Variants in CNTN5 observed in about 807,000 individuals in gnomAD.
The protein encoded by CNTN5 is contactin-5.
In CNTN5, 77 loss-of-function variants were observed where a neutral mutation model predicts 129.1. The observed-to-expected ratio is 0.60, with a 90% confidence interval of 0.50 to 0.72. The LOEUF (loss-of-function observed/expected upper bound fraction) is 0.72. Ranked by LOEUF, CNTN5 falls within the 30% of genes least tolerant of loss-of-function variation. The pLI, the probability that CNTN5 is intolerant of heterozygous loss-of-function variation, is 0.00. For synonymous variants in CNTN5, 509 were observed against 465.6 expected (o/e 1.09, Z -1.20); for missense variants, 1,478 against 1,328.8 (o/e 1.11, Z -1.75).
intron 3 of CNTN5, among the ~76,000 whole-genome samples, chr11:99,639,844 G>A (rs1042746871): frequency 1.5e-4 from 23 of 152,162 alleles, no homozygotes; most frequent in African/African-American, 5.1e-4. Context: ...GATTACCGGT[G>A]TGAGCCACCA....
At chr11:99,898,824 A>G (rs1949277505) in intron 6 of CNTN5, among the ~76,000 whole-genome samples, 1 of 152,094 alleles carries the variant, frequency 6.6e-6, no homozygotes, top group African/African-American at 2.4e-5. Context: ...TGTTAAATTT[A>G]TATCTCTTTT....
chr11:99,999,487 C>A (rs2137459758), intron 8 of CNTN5, among the ~76,000 whole-genome samples: 1 of 152,256 alleles, frequency 6.6e-6, no homozygotes, highest in Non-Finnish European at 1.5e-5. Flanking sequence ...GAATGGCGAT[C>A]ATTAAAAAGT....
intron 13 of CNTN5, among the ~76,000 whole-genome samples, chr11:100,089,834 G>A (rs977827364): frequency 6.6e-6 from 1 of 152,076 alleles, no homozygotes; most frequent in African/African-American, 2.4e-5. Flanking sequence ...TTATAAGTGG[G>A]AGCTGAACAT....
chr11:99,300,564 G>C (rs763301548), intron 1 of CNTN5, among the ~76,000 whole-genome samples: 1 of 151,924 alleles, frequency 6.6e-6, no homozygotes, highest in Admixed American at 6.6e-5. Context: ...CAGGATATTT[G>C]CCTGTAGTTT....
intron 2 of CNTN5, among the ~76,000 whole-genome samples, chr11:99,444,540 A>G (rs1313742091): frequency 6.6e-6 from 1 of 152,202 alleles, no homozygotes; most frequent in African/African-American, 2.4e-5. Context: ...ATGATTATCT[A>G]TCCTTTATTC....
intron 2 of CNTN5, among the ~76,000 whole-genome samples, chr11:99,363,683 G>T (rs1231025279): frequency 6.6e-6 from 1 of 151,934 alleles, no homozygotes; most frequent in Non-Finnish European, 1.5e-5. Flanking sequence ...CATATTTCAC[G>T]GGTCAAACAA....
intron 3 of CNTN5, among the ~76,000 whole-genome samples, chr11:99,577,653 A>C (rs995083090): frequency 1.3e-5 from 2 of 152,070 alleles, no homozygotes; most frequent in African/African-American, 2.4e-5. Context: ...TAAAATAAAA[A>C]ATACAGTGTT....
At chr11:100,260,419 G>C (rs1205708294) in intron 17 of CNTN5, among the ~76,000 whole-genome samples, 1 of 152,192 alleles carries the variant, frequency 6.6e-6, no homozygotes, top group African/African-American at 2.4e-5. Flanking sequence ...ATTAGAGAAA[G>C]AGGGACTCCT....
At chr11:99,835,302 A>G (rs1414977396) in intron 4 of CNTN5, among the ~76,000 whole-genome samples, 1 of 152,188 alleles carries the variant, frequency 6.6e-6, no homozygotes, top group Non-Finnish European at 1.5e-5. Flanking sequence ...GAAAAAAGGA[A>G]TGAATGACTT....
chr11:99,189,789 A>G (rs1858539458), intron 1 of CNTN5, among the ~76,000 whole-genome samples: 1 of 151,698 alleles, frequency 6.6e-6, no homozygotes, highest in Non-Finnish European at 1.5e-5. Flanking sequence ...TGAGTTTTTA[A>G]TATATTTTAG....
intron 6 of CNTN5, among the ~76,000 whole-genome samples, chr11:99,872,528 A>G (rs1302516845): frequency 6.6e-6 from 1 of 152,142 alleles, no homozygotes; most frequent in Non-Finnish European, 1.5e-5. Flanking sequence ...AAGAATTACA[A>G]TTGAAGATAC....
intron 13 of CNTN5, among the ~76,000 whole-genome samples, chr11:100,120,622 C>G (rs1190616132): frequency 6.6e-6 from 1 of 151,786 alleles, no homozygotes; most frequent in Non-Finnish European, 1.5e-5. Flanking sequence ...ATTTTAGAAA[C>G]AGTTGAAACA....
chr11:99,744,610 C>T (rs1943992257), intron 3 of CNTN5, among the ~76,000 whole-genome samples: 1 of 135,732 alleles, frequency 7.4e-6, no homozygotes. Flanking sequence ...GTTCCAGCTA[C>T]TCAGGGGACT....
At position 99,556,153 on chromosome 11, in the gene CNTN5, T is replaced by C; in HGVS notation, c.-62T>C. On this transcript the variant is annotated 5_prime_UTR_variant, in exon 3 of 25. Transcript: ENST00000524871. ...TTATCTATCTCAAACAGGGCACTCT[T>C]TAATGAAGAAACACCAGAGCTGTTA... The C allele has an allele frequency of 2.0e-6, 2 of 978,616 alleles. No individual in the cohort carries two copies. Among genetic ancestry groups the C allele is most frequent in the Non-Finnish European group, 3.0e-6 (2 of 677,878 alleles). 60.6% of individuals were successfully genotyped at this position (978,616 alleles called of 1,614,324 possible).
At chr11:99,818,075 A>G (rs532097788) in intron 3 of CNTN5, among the ~76,000 whole-genome samples, 2 of 152,294 alleles carry the variant, frequency 1.3e-5, no homozygotes, top group East Asian at 1.9e-4. Context: ...TAACACCTAA[A>G]GTGTTATTTT....
intron 1 of CNTN5, among the ~76,000 whole-genome samples, chr11:99,043,129 C>T (rs1394706074): frequency 1.3e-5 from 2 of 152,116 alleles, no homozygotes; most frequent in South Asian, 2.1e-4. Flanking sequence ...AAACAACATT[C>T]GCAAAGCTCA....
intron 3 of CNTN5, among the ~76,000 whole-genome samples, chr11:99,738,263 G>A (rs968321441): frequency 2.0e-5 from 3 of 152,146 alleles, no homozygotes; most frequent in Admixed American, 1.3e-4. Context: ...TTATAAGAGA[G>A]GGAAGTTTGG....
At chr11:100,034,572 A>G (rs1941882660) in intron 9 of CNTN5, among the ~76,000 whole-genome samples, 1 of 152,144 alleles carries the variant, frequency 6.6e-6, no homozygotes, top group Non-Finnish European at 1.5e-5. Flanking sequence ...AGTGTCCTAA[A>G]CCAAAGTCTT....
chr11:99,509,258 T>C (rs1267463052), intron 2 of CNTN5, among the ~76,000 whole-genome samples: 2 of 152,198 alleles, frequency 1.3e-5, no homozygotes, highest in African/African-American at 4.8e-5. Context: ...AAAGCAGAGT[T>C]GTCATTCTTG....
Sources: allele counts gnomAD v4.1 joint callset (sites outside exome capture counted in the v4.1 genomes callset), GRCh38; gene constraint gnomAD v4.1.1; transcripts MANE v1.5; gene names NCBI Gene and HGNC (gene_info 2026-07-23, HGNC 2026-07-21).